The following SAMMSON variants were observed in gnomAD, a reference collection of about 807,000 sequenced individuals.
SAMMSON encodes long intergenic non-protein coding RNA 1212.
intron 3 of SAMMSON, among the ~76,000 whole-genome samples, chr3:70,020,647 A>G (rs2067009777): frequency 6.6e-6 from 1 of 152,082 alleles, no homozygotes; most frequent in Non-Finnish European, 1.5e-5. Context: ...CCTTCTAATC[A>G]TCTGATTGAG....
chr3:70,317,635 G>T (rs1408075168), intron 7 of SAMMSON, among the ~76,000 whole-genome samples: 1 of 150,722 alleles, frequency 6.6e-6, no homozygotes, highest in Non-Finnish European at 1.5e-5. Context: ...TATATATATG[G>T]ATATACACGC....
intron 6 of SAMMSON, among the ~76,000 whole-genome samples, chr3:70,281,208 T>C (rs1409594429): frequency 1.3e-5 from 2 of 152,112 alleles, no homozygotes; most frequent in African/African-American, 4.8e-5. Context: ...AAGGATCATA[T>C]TAAAGTTCAC....
At chr3:70,009,558 A>G (rs1411016500) in intron 1 of SAMMSON, among the ~76,000 whole-genome samples, 1 of 152,012 alleles carries the variant, frequency 6.6e-6, no homozygotes, top group African/African-American at 2.4e-5. Flanking sequence ...CTAGCAGTCT[A>G]TCAATTTTGT....
At chr3:70,325,399 A>G (rs551968328) in intron 7 of SAMMSON, among the ~76,000 whole-genome samples, 1 of 152,252 alleles carries the variant, frequency 6.6e-6, no homozygotes, top group Non-Finnish European at 1.5e-5. Flanking sequence ...CTAAGTGTGG[A>G]TCTGATTAGC....
At chr3:70,169,261 T>A (rs1476248535) in intron 4 of SAMMSON, among the ~76,000 whole-genome samples, 1 of 152,000 alleles carries the variant, frequency 6.6e-6, no homozygotes, top group Non-Finnish European at 1.5e-5. Context: ...TTGAAAAAGC[T>A]TAAAATAAAC....
intron 4 of SAMMSON, among the ~76,000 whole-genome samples, chr3:70,243,164 A>T (rs958886525): frequency 1.3e-5 from 2 of 152,100 alleles, no homozygotes; most frequent in African/African-American, 4.8e-5. Flanking sequence ...TTCTGCAGAC[A>T]AGAGTCTTTG....
Position 70,365,970 on chromosome 3 carries a change from CTTTTTTTTTTTTTTTTTT to C in SAMMSON, n.913+7660_913+7677del, listed in dbSNP as rs1193657961. 1.8e-4 allele frequency among the ~76,000 whole-genome samples: 5 copies of C among 27,766 alleles called. 2 individuals carry two copies. The highest frequency in any genetic ancestry group is 4.0e-4 in the African/African-American group (3 of 7,488). The allele number at this position is 27,766 out of a possible 152,430, so 18.2% of individuals were successfully genotyped here. ...AAAAATTGTTTGTGCTTTACCTTTTCTTTTTTTTTTTTTTTTTTTTTTTTTTTTTTTGAGACGGAGTCT... is the reference window on the plus strand; with the variant it reads ...AAAAATTGTTTGTGCTTTACCTTTTCTTTTTTTTTTTTTGAGACGGAGTCT... On this transcript the variant is annotated intron_variant and non_coding_transcript_variant, in intron 9 of 9. Transcript: ENST00000642114.
At chr3:70,008,341 C>T (rs2066938700) in intron 1 of SAMMSON, among the ~76,000 whole-genome samples, 1 of 152,080 alleles carries the variant, frequency 6.6e-6, no homozygotes. Flanking sequence ...GTTTGTAGTT[C>T]TCCTTGAAGA....
chr3:70,171,658 T>G lies in SAMMSON; in HGVS notation n.508-77449T>G, dbSNP rs1700955715. Among the ~76,000 whole-genome samples, 3 of 151,866 alleles carry G rather than the reference T, an allele frequency of 2.0e-5. No individual in the cohort carries two copies. The South Asian group carries it at 6.2e-4, about 31-fold the overall frequency. ...TCCCAGTTTTTACTCAAATATGAATTATCTTCATTAATGAAAACCTAAAAG... is the reference window on the plus strand; with the variant it reads ...TCCCAGTTTTTACTCAAATATGAATGATCTTCATTAATGAAAACCTAAAAG... On this transcript the variant is annotated intron_variant and non_coding_transcript_variant, in intron 4 of 9. Transcript: ENST00000642114.
At position 70,008,669 on chromosome 3, in the gene SAMMSON, C is replaced by T. The variant is rs1247083366; in HGVS notation, n.23-3688C>T. ...TGATTGCCCTGGCCAGAACTTCTAACACTATGTTGAATAGGAGTGGTGAGA... is the reference window on the plus strand; with the variant it reads ...TGATTGCCCTGGCCAGAACTTCTAATACTATGTTGAATAGGAGTGGTGAGA... On this transcript the variant is annotated intron_variant and non_coding_transcript_variant, in intron 1 of 9. Coordinates refer to ENST00000642114, the Ensembl canonical transcript of SAMMSON. Among the ~76,000 whole-genome samples, 9 of 152,224 alleles carry T rather than the reference C, an allele frequency of 5.9e-5. No homozygotes were observed. In the East Asian group the frequency reaches 1.7e-3, roughly 29 times the overall value.
chr3:70,362,600 G>GAA (rs11457875), intron 9 of SAMMSON, among the ~76,000 whole-genome samples: 4 of 150,620 alleles, frequency 2.7e-5, no homozygotes, highest in South Asian at 2.1e-4. Flanking sequence ...GTGAGGAATA[G>GAA]AAAAAAAAAG....
At chr3:70,008,164 T>C (rs2107575724) in intron 1 of SAMMSON, among the ~76,000 whole-genome samples, 1 of 152,240 alleles carries the variant, frequency 6.6e-6, no homozygotes, top group East Asian at 1.9e-4. Flanking sequence ...TTAAAGTAGT[T>C]TTTTCCAATT....
intron 3 of SAMMSON, among the ~76,000 whole-genome samples, chr3:70,033,216 C>T (rs1260347373): frequency 1.3e-5 from 2 of 152,184 alleles, no homozygotes; most frequent in Admixed American, 1.3e-4. Context: ...ACTTACTTTT[C>T]CTTCTTCCCT....
At chr3:70,235,328 CA>C (rs1701597197) in intron 4 of SAMMSON, among the ~76,000 whole-genome samples, 1 of 152,078 alleles carries the variant, frequency 6.6e-6, no homozygotes, top group Non-Finnish European at 1.5e-5. Flanking sequence ...CTATTTTTTC[CA>C]TCTTCAAATT....
At chr3:70,430,332 G>A (rs1267210645) in intron 2 of SAMMSON, among the ~76,000 whole-genome samples, 1 of 152,136 alleles carries the variant, frequency 6.6e-6, no homozygotes, top group East Asian at 1.9e-4. Context: ...TGATCGTGGT[G>A]AATAAGCTTT....
intron 2 of SAMMSON, among the ~76,000 whole-genome samples, chr3:70,429,761 C>T (rs1289581295): frequency 6.6e-6 from 1 of 152,038 alleles, no homozygotes; most frequent in Non-Finnish European, 1.5e-5. Context: ...TGATTTGGCT[C>T]TCTGTCTACT....
intron 7 of SAMMSON, among the ~76,000 whole-genome samples, chr3:70,294,131 T>G (rs1422825031): frequency 1.3e-4 from 20 of 152,160 alleles, no homozygotes; most frequent in Admixed American, 7.2e-4. Context: ...TTTAGAAATG[T>G]CAGTTGTTCA....
chr3:70,192,687 C>A (rs973802021), intron 4 of SAMMSON, among the ~76,000 whole-genome samples: 2 of 152,162 alleles, frequency 1.3e-5, no homozygotes, highest in Non-Finnish European at 2.9e-5. Context: ...AAATAAGGAG[C>A]ATCCAGCTAC....
intron 4 of SAMMSON, among the ~76,000 whole-genome samples, chr3:70,135,479 G>C (rs908964248): frequency 6.6e-5 from 10 of 152,020 alleles, no homozygotes; most frequent in African/African-American, 2.4e-4. Context: ...TCTTCAAAAG[G>C]CAACTTAGAG....
Sources: gnomAD v4.1 joint callset for allele counts (sites outside exome capture counted in the v4.1 genomes callset) on GRCh38, gnomAD v4.1.1 for gene constraint, MANE v1.5 for transcripts, NCBI Gene and HGNC (gene_info 2026-07-23, HGNC 2026-07-21) for gene names.